TLN2: variants seen among roughly 807,000 people sequenced by gnomAD.
TLN2 encodes the protein talin 2, also known as talin-2.
Under a neutral mutation model 294.7 loss-of-function variants are expected in TLN2, and 118 were observed. The observed-to-expected ratio is 0.40, with a 90% CI of 0.34 to 0.47. TLN2 has a LOEUF of 0.47. Ranked by LOEUF, TLN2 falls within the 20% of genes least tolerant of loss-of-function variation. The pLI is 0.84. For missense variants in TLN2, 3,083 were observed against 3,282.2 expected, an observed-to-expected ratio of 0.94 and a Z score of 1.48; for synonymous variants, 1,431 against 1,304.5, an observed-to-expected ratio of 1.10 and a Z score of -2.09.
chr15:62,802,439 T>C (rs7169594), intron 50 of TLN2, among the ~76,000 whole-genome samples: 1,493 of 134,078 alleles, frequency 0.011, 19 homozygotes, highest in African/African-American at 0.03. Context: ...CACACACACA[T>C]ATATATAATA....
At chr15:62,822,721 ATAT>A (rs758957178) in intron 54 of TLN2, among the ~76,000 whole-genome samples, 4 of 152,220 alleles carry the variant, frequency 2.6e-5, no homozygotes, top group Non-Finnish European at 5.9e-5. Flanking sequence ...TGCAGCTATA[ATAT>A]TATGCAGCTA....
Position 62,755,702 on chromosome 15 carries a change from C to T in TLN2, c.4638+9C>T. 6.2e-7 allele frequency: 1 copy of T among 1,614,050 alleles called. No homozygotes were observed. Among genetic ancestry groups the T allele is most frequent in the Non-Finnish European group, 8.5e-7 (1 of 1,179,942 alleles). Reference sequence around the variant, plus strand: ...TGGTGAAGACCATCAAGGTAGGTCGCTGGACTACCGGCCTTATTGAACTCT... The same window carrying T: ...TGGTGAAGACCATCAAGGTAGGTCGTTGGACTACCGGCCTTATTGAACTCT... On this transcript the variant is annotated intron_variant, in intron 37 of 58. Coordinates refer to ENST00000636159, the MANE Select transcript of TLN2 (RefSeq NM_015059.3).
chr15:62,742,646 C>T (rs1008222450), intron 32 of TLN2, among the ~76,000 whole-genome samples: 1 of 152,082 alleles, frequency 6.6e-6, no homozygotes, highest in Non-Finnish European at 1.5e-5. Context: ...AAAAAGCTTT[C>T]GTTGCCTTTC....
chr15:62,485,480 G>T (rs565537023), intron 1 of TLN2, among the ~76,000 whole-genome samples: 1 of 152,324 alleles, frequency 6.6e-6, no homozygotes, highest in South Asian at 2.1e-4. Flanking sequence ...CTGGATGAGA[G>T]GCTGTGGACA....
chr15:62,526,824 G>C (rs970991020), intron 1 of TLN2, among the ~76,000 whole-genome samples: 1 of 152,120 alleles, frequency 6.6e-6, no homozygotes, highest in African/African-American at 2.4e-5. Context: ...GCCAGCCCCT[G>C]TTCTCAGGGT....
chr15:62,510,804 G>T (rs1374308703), intron 1 of TLN2, among the ~76,000 whole-genome samples: 2 of 152,216 alleles, frequency 1.3e-5, no homozygotes, highest in Non-Finnish European at 2.9e-5. Context: ...AGAATTAATA[G>T]AATGTGTTTT....
At chr15:62,837,722 C>G (rs766170678) in intron 57 of TLN2, among the ~76,000 whole-genome samples, 2 of 152,186 alleles carry the variant, frequency 1.3e-5, no homozygotes, top group Non-Finnish European at 2.9e-5. Context: ...GAAAAGTGGG[C>G]TAAAGATTTC....
At chr15:62,552,564 T>C (rs1166012829) in intron 1 of TLN2, among the ~76,000 whole-genome samples, 1 of 152,200 alleles carries the variant, frequency 6.6e-6, no homozygotes, top group Non-Finnish European at 1.5e-5. Context: ...TTTTATACTT[T>C]TGGGTGATTT....
chr15:62,531,714 C>T (rs538677631), intron 1 of TLN2, among the ~76,000 whole-genome samples: 15 of 152,134 alleles, frequency 9.9e-5, no homozygotes, highest in East Asian at 1.9e-4. Context: ...TTAATTCAGT[C>T]GAAGGTATCC....
intron 30 of TLN2, 59 bp from the exon 31 acceptor site, chr15:62,739,289 T>C: frequency 8.4e-6 from 13 of 1,549,610 alleles, no homozygotes; most frequent in Non-Finnish European, 1.1e-5. Flanking sequence ...AATACCTTCC[T>C]TTTATCCCTC....
intron 45 of TLN2, among the ~76,000 whole-genome samples, chr15:62,787,777 C>T (rs957869333): frequency 4.7e-5 from 7 of 148,610 alleles, no homozygotes; most frequent in African/African-American, 1.7e-4. Context: ...ACTGCAACCT[C>T]CGCCACCGGG....
intron 52 of TLN2, 81 bp from the exon 53 acceptor site, chr15:62,819,435 A>G (rs1429077686): frequency 5.0e-6 from 6 of 1,202,228 alleles, no homozygotes; most frequent in East Asian, 2.3e-5. Flanking sequence ...CTGACTCCAC[A>G]TCCAGCAAGA....
At chr15:62,679,442 A>G (rs561592194) in intron 11 of TLN2, among the ~76,000 whole-genome samples, 218 of 49,018 alleles carry the variant, frequency 4.4e-3, no homozygotes, top group African/African-American at 7.8e-3. Flanking sequence ...ATAAAAAGGA[A>G]TGAAGTACCG....
At chr15:62,446,930 C>A (rs1047501474) in intron 1 of TLN2, among the ~76,000 whole-genome samples, 2 of 152,180 alleles carry the variant, frequency 1.3e-5, no homozygotes, top group Non-Finnish European at 2.9e-5. Flanking sequence ...TGGAATAGAT[C>A]AGCATTTCCC....
chr15:62,506,974 T>G (rs1232119006), intron 1 of TLN2, among the ~76,000 whole-genome samples: 3 of 152,246 alleles, frequency 2.0e-5, no homozygotes, highest in African/African-American at 7.2e-5. Context: ...ATATTTGTTG[T>G]TTTTACTGGT....
chr15:62,533,402 T>C (rs1431424796), intron 1 of TLN2, among the ~76,000 whole-genome samples: 1 of 152,090 alleles, frequency 6.6e-6, no homozygotes, highest in Non-Finnish European at 1.5e-5. Context: ...TTTTCCATGA[T>C]GGCTCCCCCA....
At chr15:62,422,748 C>T (rs1186181220) in intron 1 of TLN2, among the ~76,000 whole-genome samples, 1 of 152,208 alleles carries the variant, frequency 6.6e-6, no homozygotes, top group African/African-American at 2.4e-5. Context: ...TCTTCAACTC[C>T]TCCTATGTGT....
At position 62,797,484 on chromosome 15, in the gene TLN2, G is replaced by C. The variant is rs2065581238; in HGVS notation, c.6234+82G>C. On this transcript the variant is annotated intron_variant, in intron 48 of 58. Coordinates refer to ENST00000636159, the MANE Select transcript of TLN2 (RefSeq NM_015059.3). ...CGGGCCTCAGAAGAGGCCTAAGGCA[G>C]AACAGGAACTTTTGAAGTAGACAAT... is the stretch of plus-strand genomic sequence containing the variant. The C allele has an allele frequency of 3.5e-6, 5 of 1,438,932 alleles. No homozygotes were observed. In the South Asian group the frequency reaches 5.7e-5, roughly 16 times the overall value. 89.1% of individuals were successfully genotyped at this position (1,438,932 alleles called of 1,614,324 possible). A position where few individuals can be genotyped will look rare whatever the true frequency, so the allele number is the denominator to read the frequency against.
chr15:62,702,064 T>A lies in TLN2; in HGVS notation c.1769T>A (p.Met590Lys), dbSNP rs1278581693. 2 of 1,614,114 alleles carry A rather than the reference T, an allele frequency of 1.2e-6. No individual in the cohort carries two copies. Among genetic ancestry groups the A allele is most frequent in the African/African-American group, 2.7e-5 (2 of 74,944 alleles). Residue 590 changes from methionine to lysine, a missense_variant, in exon 18 of 59, where the codon ATG becomes AAG. Coordinates refer to ENST00000636159, the MANE Select transcript of TLN2 (RefSeq NM_015059.3). ...ITTISSNLTEMSKGVKLLAAL... is the reference protein window; with the variant it reads ...ITTISSNLTEKSKGVKLLAAL... ...ACTATTTCTTCCAACCTGACGGAGA[T>A]GTCCAAGGGTGTGAAGCTATTGGCC...
Sources: gnomAD v4.1 joint callset for allele counts (sites outside exome capture counted in the v4.1 genomes callset) on GRCh38, gnomAD v4.1.1 for gene constraint, MANE v1.5 for transcripts, NCBI Gene and HGNC (gene_info 2026-07-23, HGNC 2026-07-21) for gene names.